The following MRPL58 variants were observed in gnomAD, a reference collection of about 807,000 sequenced individuals.
The protein encoded by MRPL58 is mitochondrial ribosomal protein L58, also known as large ribosomal subunit protein mL62.
In MRPL58, 17 loss-of-function variants were observed where a neutral mutation model predicts 26.0. That is an observed-to-expected ratio of 0.65 (90% confidence interval 0.45 to 0.98). MRPL58 has a LOEUF of 0.98. Ranked by LOEUF, MRPL58 falls within the 50% of genes least tolerant of loss-of-function variation. The pLI is 0.00. For missense variants in MRPL58, 250 were observed against 269.0 expected, an observed-to-expected ratio of 0.93 and a Z score of 0.49; for synonymous variants, 100 against 99.7, an observed-to-expected ratio of 1.00 and a Z score of -0.02.
Position 75,020,567 on chromosome 17 carries a change from A to G in MRPL58, c.446A>G (p.Asp149Gly), listed in dbSNP as rs755018088. Residue 149 changes from aspartate to glycine, a missense_variant, in exon 5 of 6, where the codon GAT becomes GGT. Physicochemically the swap from Asp to Gly is moderately conservative, Grantham distance 94. Transcript: ENST00000301585. ...SSRYQFRNLA[D>G]CLQKIRDMIT... The stretch of plus-strand genomic sequence containing the variant: ...CGCTATCAGTTCCGGAATCTGGCAG[A>G]TTGCCTGCAGAAAATTCGAGACATG... 2.0e-5 allele frequency: 32 copies of G among 1,614,070 alleles called. No homozygotes were observed. The highest frequency in any genetic ancestry group is 2.5e-5 in the Non-Finnish European group (30 of 1,180,028).
At chr17:75,018,876 G>A (rs1567980778) in intron 2 of MRPL58, among the ~76,000 whole-genome samples, 1 of 150,316 alleles carries the variant, frequency 6.7e-6, no homozygotes, top group Non-Finnish European at 1.5e-5. Context: ...TGCTCAAGAT[G>A]ACTCAAACAG....
chr17:75,017,012 C>A, intron 1 of MRPL58, 66 bp from the exon 2 acceptor site: 1 of 1,187,922 alleles, frequency 8.4e-7, no homozygotes, highest in Non-Finnish European at 1.3e-6. Flanking sequence ...TTCTTTGTTG[C>A]CTTGAACCAG....
At chr17:75,019,458 AT>A (rs2039998793) in intron 2 of MRPL58, among the ~76,000 whole-genome samples, 1 of 152,060 alleles carries the variant, frequency 6.6e-6, no homozygotes, top group Non-Finnish European at 1.5e-5. Context: ...CAGAAAGTGG[AT>A]TTAATTTGAT....
In MRPL58 at chr17:75,020,481, T is replaced by C. The variant is rs748866177; in HGVS notation, c.367-7T>C. On this transcript the variant is annotated splice_region_variant and splice_polypyrimidine_tract_variant and intron_variant, in intron 4 of 5. Coordinates refer to ENST00000301585, the MANE Select transcript of MRPL58 (RefSeq NM_001545.3). ...TAGGACTCCAGTTTTTCATTTGTTC[T>C]CTGCAGCATAAAAACAAGATCAACA... 2 of 1,613,992 alleles carry C rather than the reference T, an allele frequency of 1.2e-6. No individual in the cohort carries two copies. Among genetic ancestry groups the C allele is most frequent in the Admixed American group, 3.3e-5 (2 of 60,014 alleles).
intron 2 of MRPL58, among the ~76,000 whole-genome samples, chr17:75,019,129 C>CA (rs57738832): frequency 0.059 from 8,139 of 138,554 alleles, 563 homozygotes; most frequent in African/African-American, 0.17. Flanking sequence ...GACCCTGTCT[C>CA]AAAAAAAAAA....
chr17:75,018,970 T>C (rs893724151), intron 2 of MRPL58, among the ~76,000 whole-genome samples: 3 of 151,934 alleles, frequency 2.0e-5, no homozygotes, highest in African/African-American at 7.3e-5. Flanking sequence ...GTTTTGTAGC[T>C]TGAAGCTGTG....
At chr17:75,012,949 C>G in intron 1 of MRPL58, 77 bp downstream of exon 1, 1 of 1,356,246 alleles carries the variant, frequency 7.4e-7, no homozygotes, top group East Asian at 2.5e-5. Flanking sequence ...GGCCCATTGG[C>G]CGGATGTGGA....
intron 1 of MRPL58, among the ~76,000 whole-genome samples, chr17:75,013,533 G>A (rs2039949522): frequency 6.6e-6 from 1 of 152,204 alleles, no homozygotes; most frequent in Non-Finnish European, 1.5e-5. Flanking sequence ...TCTAGTGGAG[G>A]GAGACAAGCA....
chr17:75,013,745 A>C (rs2039951014), intron 1 of MRPL58, among the ~76,000 whole-genome samples: 1 of 152,202 alleles, frequency 6.6e-6, no homozygotes, highest in Admixed American at 6.5e-5. Flanking sequence ...GCGGATGAGC[A>C]TCCTAGGCAG....
In MRPL58 at chr17:75,020,938, G is replaced by C. The variant is rs528370211; in HGVS notation, c.554G>C (p.Arg185Pro). ...GTTTTCAGGATAGAAAACATGAATC[G>C]GGAAAGGCTGAGACAAAAGAGAATT... ...LHRIRIENMNRERLRQKRIHS... is the reference protein window; with the variant it reads ...LHRIRIENMNPERLRQKRIHS... Residue 185 changes from arginine (R) to proline (P), a missense_variant, in exon 6 of 6, where the codon CGG becomes CCG. Physicochemically the swap from Arg to Pro is moderately radical, Grantham distance 103. Transcript: ENST00000301585. The C allele has an allele frequency of 3.7e-6, 6 of 1,613,790 alleles. No homozygotes were observed. Among genetic ancestry groups the C allele is most frequent in the Middle Eastern group, 1.6e-4 (1 of 6,062 alleles).
intron 1 of MRPL58, among the ~76,000 whole-genome samples, chr17:75,013,578 G>A (rs1444889022): frequency 6.6e-6 from 1 of 152,194 alleles, no homozygotes; most frequent in Non-Finnish European, 1.5e-5. Flanking sequence ...GTGTGAGGTA[G>A]TACTTTGCAG....
chr17:75,016,944 T>C lies in MRPL58; in HGVS notation c.187-134T>C, dbSNP rs1264798337. On this transcript the variant is annotated intron_variant, in intron 1 of 5. Transcript: ENST00000301585. ...TGCTTTTTCTGTCATCGTGATATCA[T>C]TTTGCAGGGGACCTGAAAATACTAA... 4 of 739,076 alleles carry C rather than the reference T, an allele frequency of 5.4e-6. No homozygotes were observed. The Admixed American group carries it at 5.6e-5, about 10-fold the overall frequency. 45.8% of individuals were successfully genotyped at this position (739,076 alleles called of 1,614,324 possible). A position where few individuals can be genotyped will look rare whatever the true frequency, so the allele number is the denominator to read the frequency against.
At position 75,012,780 on chromosome 17, in the gene MRPL58, A is replaced by G; in HGVS notation, c.94A>G (p.Lys32Glu). The change falls in exon 1 of 6, where the codon AAG (lysine) becomes GAG (glutamate). Residue 32 changes from lysine (K) to glutamate (E), a missense_variant. Transcript: ENST00000301585. ...PARCPRRALH[K>E]QKDGTEFKSI... ...ACGGTGCCCACGCCGGGCGCTGCAC[A>G]AGCAGAAAGACGGCACTGAGTTCAA... The G allele has an allele frequency of 6.2e-7, 1 of 1,606,268 alleles. No individual in the cohort carries two copies. The highest frequency in any genetic ancestry group is 2.3e-5 in the East Asian group (1 of 44,344).
intron 5 of MRPL58, 77 bp downstream of exon 5, chr17:75,020,734 G>A (rs9897931): frequency 0.019 from 28,990 of 1,493,846 alleles, 1,283 homozygotes; most frequent in African/African-American, 0.17. Flanking sequence ...AGGGGCAGGG[G>A]AGAGTCCAAG....
rs369778718 is a variant in MRPL58, at chr17:75,017,037, G to C, written c.187-41G>C. The C allele has an allele frequency of 1.4e-5, 21 of 1,519,036 alleles. No homozygotes were observed. In the African/African-American group the frequency reaches 2.3e-4, roughly 17 times the overall value. 94.1% of individuals were successfully genotyped at this position (1,519,036 alleles called of 1,614,324 possible). ...CCTTGAACCAGTTAGGAGTCACCCA[G>C]CAGGTAATATTTATTTGACACTGTG... On this transcript the variant is annotated intron_variant, in intron 1 of 5. Transcript: ENST00000301585.
intron 1 of MRPL58, among the ~76,000 whole-genome samples, chr17:75,013,651 A>C (rs1375273554): frequency 6.6e-6 from 1 of 152,218 alleles, no homozygotes; most frequent in Non-Finnish European, 1.5e-5. Flanking sequence ...AATTTTAAGT[A>C]GGATTGTCTA....
In MRPL58 at chr17:75,012,712, G is replaced by A. The variant is rs760868507; in HGVS notation, c.26G>A (p.Trp9Ter). 3.2e-6 allele frequency: 5 copies of A among 1,567,196 alleles called. No homozygotes were observed. The highest frequency in any genetic ancestry group is 1.2e-5 in the South Asian group (1 of 85,876). Reference protein sequence around the residue: MAATRCLRWGLSRAGVWLL... With the variant: MAATRCLR ...ATGGCGGCCACCAGGTGCCTGCGCT[G>A]GGGCCTGAGCCGAGCCGGAGTCTGG... The change falls in exon 1 of 6, where the codon TGG (tryptophan) becomes TAG (stop). Residue 9 changes from tryptophan to a stop codon, truncating the protein, a stop_gained. Coordinates refer to ENST00000301585, the MANE Select transcript of MRPL58 (RefSeq NM_001545.3). LOFTEE classifies it high-confidence loss of function.
chr17:75,020,430 T>C, intron 4 of MRPL58, 35 bp downstream of exon 4: 1 of 1,613,850 alleles, frequency 6.2e-7, no homozygotes, highest in Non-Finnish European at 8.5e-7. Flanking sequence ...TAGAAATCCC[T>C]CAGTGGCTTT....
chr17:75,015,036 G>T (rs1211011386), intron 1 of MRPL58, among the ~76,000 whole-genome samples: 1 of 152,186 alleles, frequency 6.6e-6, no homozygotes, highest in African/African-American at 2.4e-5. Flanking sequence ...AAGTGCTGAG[G>T]CTACCTCAGA....
Sources: gnomAD v4.1 joint callset for allele counts (sites outside exome capture counted in the v4.1 genomes callset) on GRCh38, gnomAD v4.1.1 for gene constraint, MANE v1.5 for transcripts, NCBI Gene and HGNC (gene_info 2026-07-23, HGNC 2026-07-21) for gene names.